Variants in OGFRL1 observed in about 807,000 individuals in gnomAD.
OGFRL1 encodes the protein opioid growth factor receptor like 1.
Under a neutral mutation model 32.4 loss-of-function variants are expected in OGFRL1, and 26 were observed. That is an observed-to-expected ratio of 0.80 (90% CI 0.59 to 1.11). The LOEUF (loss-of-function observed/expected upper bound fraction) is 1.11. OGFRL1 is among the 50% of genes most tolerant of loss of function. The pLI is 0.00. For synonymous variants in OGFRL1, 211 were observed against 201.2 expected (o/e 1.05, Z -0.41); for missense variants, 521 against 546.4 (o/e 0.95, Z 0.46).
intron 1 of OGFRL1, among the ~76,000 whole-genome samples, chr6:71,290,586 T>C (rs902042025): frequency 1.3e-5 from 2 of 152,220 alleles, no homozygotes; most frequent in Non-Finnish European, 2.9e-5. Flanking sequence ...CTATTCCCTT[T>C]TAATGATTAA....
At chr6:71,294,992 T>G (rs1766159675) in intron 3 of OGFRL1, among the ~76,000 whole-genome samples, 1 of 152,224 alleles carries the variant, frequency 6.6e-6, no homozygotes, top group Non-Finnish European at 1.5e-5. Context: ...ATATTGAATT[T>G]TTGGTAATCT....
At chr6:71,293,700 AT>A (rs1361680995) in intron 3 of OGFRL1, 89 bp downstream of exon 3, 37 of 931,192 alleles carry the variant, frequency 4.0e-5, no homozygotes, top group Non-Finnish European at 5.9e-5. Context: ...CATTGATTGG[AT>A]TTACTTTGCT....
chr6:71,305,330 TAA>T lies in OGFRL1; in HGVS notation c.*3282_*3283del, dbSNP rs1371185493. On this transcript the variant is annotated 3_prime_UTR_variant, in exon 7 of 7. Transcript: ENST00000370435. ...AATACTGTAAAGTGACATATAGTTA[TAA>T]GATATATTTCTGTACAGTAGAGAAA... 1.3e-5 allele frequency: 2 copies of T among 152,084 alleles called. No individual in the cohort carries two copies. Among genetic ancestry groups the T allele is most frequent in the Admixed American group, 6.5e-5 (1 of 15,270 alleles). The allele number at this position is 152,084 out of a possible 1,614,324, so 9.4% of individuals were successfully genotyped here.
chr6:71,289,603 A>G (rs1765981569), intron 1 of OGFRL1: 1 of 977,154 alleles, frequency 1.0e-6, no homozygotes, highest in African/African-American at 1.8e-5. Context: ...AGGTGGGGCT[A>G]CAAGTGCAAG....
intron 6 of OGFRL1, among the ~76,000 whole-genome samples, chr6:71,298,024 A>G (rs1247635894): frequency 2.1e-5 from 3 of 140,288 alleles, no homozygotes; most frequent in African/African-American, 7.9e-5. Context: ...TCATTGTTCA[A>G]TTCAGATGGG....
intron 1 of OGFRL1, among the ~76,000 whole-genome samples, chr6:71,292,757 T>C (rs1047209932): frequency 6.6e-6 from 1 of 152,220 alleles, no homozygotes; most frequent in African/African-American, 2.4e-5. Context: ...TGTCATGGTA[T>C]TATAAAGGAT....
At chr6:71,301,352 T>G in intron 6 of OGFRL1, 34 bp from the exon 7 acceptor site, 3 of 1,499,940 alleles carry the variant, frequency 2.0e-6, no homozygotes, top group Non-Finnish European at 2.7e-6. Flanking sequence ...ACACCTGATT[T>G]CCCCCACTCA....
At chr6:71,296,091 T>C (rs9354987) in intron 3 of OGFRL1, among the ~76,000 whole-genome samples, 81,940 of 151,942 alleles carry the variant, frequency 0.54, 23,869 homozygotes, top group African/African-American at 0.75. Context: ...GAGTACATTG[T>C]CCAACAAAGC....
At chr6:71,296,876 G>A in intron 6 of OGFRL1, 59 bp downstream of exon 6, 9 of 1,553,128 alleles carry the variant, frequency 5.8e-6, no homozygotes, top group Non-Finnish European at 7.8e-6. Flanking sequence ...CTTGGTCAGA[G>A]TTCTCTATGA....
chr6:71,297,738 T>C (rs1261558191), intron 6 of OGFRL1, among the ~76,000 whole-genome samples: 3 of 151,964 alleles, frequency 2.0e-5, no homozygotes, highest in Non-Finnish European at 4.4e-5. Flanking sequence ...GTTAACTATT[T>C]TTTTATGTGT....
intron 1 of OGFRL1, among the ~76,000 whole-genome samples, chr6:71,290,503 T>G (rs1292627721): frequency 6.6e-6 from 1 of 152,234 alleles, no homozygotes; most frequent in African/African-American, 2.4e-5. Context: ...CAGGTCCATC[T>G]ATATAAAACA....
rs758111965 is a variant in OGFRL1, at chr6:71,301,810, C to G, written c.1117C>G (p.Pro373Ala). The change falls in exon 7 of 7, where the codon CCT (proline) becomes GCT (alanine). Residue 373 changes from proline to alanine, a missense_variant. By Grantham distance (27) the Pro-to-Ala change is conservative. Coordinates refer to ENST00000370435, the MANE Select transcript of OGFRL1 (RefSeq NM_024576.5). The stretch of plus-strand genomic sequence containing the variant: ...AGACAAAAAAGTGGCACCAAAAGAG[C>G]CTGTGGAAGAGACAGACAGGCCCAG... ...AEDKKVAPKE[P>A]VEETDRPSPE... 6.8e-6 allele frequency: 11 copies of G among 1,613,050 alleles called. No homozygotes were observed. The highest frequency in any genetic ancestry group is 3.3e-4 in the Middle Eastern group (2 of 6,050).
In OGFRL1 at chr6:71,303,905, A is replaced by G. The variant is rs749589080; in HGVS notation, c.*1856A>G. ...AGTTAAAGCAATGAATAGATGAAAC[A>G]TGTCTACTTTATTTCATTTAGAAAG... On this transcript the variant is annotated 3_prime_UTR_variant, in exon 7 of 7. Coordinates refer to ENST00000370435, the MANE Select transcript of OGFRL1 (RefSeq NM_024576.5). The G allele has an allele frequency of 1.1e-4, 17 of 152,294 alleles. No individual in the cohort carries two copies. Among genetic ancestry groups the G allele is most frequent in the South Asian group, 8.3e-4 (4 of 4,830 alleles). 9.4% of individuals were successfully genotyped at this position (152,294 alleles called of 1,614,324 possible). A position where few individuals can be genotyped will look rare whatever the true frequency, so the allele number is the denominator to read the frequency against.
At chr6:71,300,527 A>T (rs1382657242) in intron 6 of OGFRL1, among the ~76,000 whole-genome samples, 2 of 152,072 alleles carry the variant, frequency 1.3e-5, no homozygotes, top group Non-Finnish European at 2.9e-5. Flanking sequence ...CAGAGATTGA[A>T]GAAAATTAGG....
rs1273915882 is a variant in OGFRL1 at position 71,307,152 on chromosome 6, A to G, written c.*5103A>G. The G allele has an allele frequency of 6.6e-6, 1 of 152,204 alleles. No individual in the cohort carries two copies. The highest frequency in any genetic ancestry group is 1.5e-5 in the Non-Finnish European group (1 of 68,038). 9.4% of individuals were successfully genotyped at this position (152,204 alleles called of 1,614,324 possible). A position where few individuals can be genotyped will look rare whatever the true frequency, so the allele number is the denominator to read the frequency against. On this transcript the variant is annotated 3_prime_UTR_variant, in exon 7 of 7. Coordinates refer to ENST00000370435, the MANE Select transcript of OGFRL1 (RefSeq NM_024576.5). ...ATTAAATGTTTTGTGTTATGACCCA[A>G]ACTGGCTGGAAGTAGAGTTCAGAGA...
At position 71,301,608 on chromosome 6, in the gene OGFRL1, G is replaced by A. The variant is rs755595849; in HGVS notation, c.915G>A (p.Thr305=). 78 of 1,614,128 alleles carry A rather than the reference G, an allele frequency of 4.8e-5. No homozygotes were observed. The highest frequency in any genetic ancestry group is 6.0e-5 in the Non-Finnish European group (71 of 1,180,028). ...TGCGGTTCGCCCAGAAACACTACAC[G>A]CCTTCAGAGAACTTTATCTGGGGAC... ...KLLRFAQKHY[T]PSENFIWGPP... Residue 305 remains threonine, a synonymous_variant, in exon 7 of 7, where the codon ACG becomes ACA. Coordinates refer to ENST00000370435, the MANE Select transcript of OGFRL1 (RefSeq NM_024576.5).
At position 71,289,026 on chromosome 6, in the gene OGFRL1, G is replaced by T; in HGVS notation, c.90G>T (p.Glu30Asp). ...DSTWQTDSEP[E>D]PEEPGPGGGS... ...CCTGGCAGACCGACTCGGAGCCCGA[G>T]CCCGAAGAACCAGGGCCGGGCGGCG... Residue 30 changes from glutamate (E) to aspartate (D), a missense_variant, in exon 1 of 7, where the codon GAG (glutamate) becomes GAT (aspartate). Glu to Asp is a conservative substitution (Grantham distance 45, BLOSUM62 2). Transcript: ENST00000370435. The T allele has an allele frequency of 7.4e-7, 1 of 1,354,580 alleles. No homozygotes were observed. Among genetic ancestry groups the T allele is most frequent in the Non-Finnish European group, 9.7e-7 (1 of 1,035,908 alleles). 83.9% of individuals were successfully genotyped at this position (1,354,580 alleles called of 1,614,324 possible).
chr6:71,301,901 T>C lies in OGFRL1; in HGVS notation c.1208T>C (p.Met403Thr). The change falls in exon 7 of 7, where the codon ATG becomes ACG. Residue 403 changes from methionine to threonine, a missense_variant. Met to Thr is a moderately conservative substitution (Grantham distance 81). Transcript: ENST00000370435. ...NTEKDSNAEN[M>T]NSQPEKTVTT... ...GAGAAGGACAGTAATGCTGAGAACA[T>C]GAATTCTCAACCTGAGAAAACAGTT... 1 of 1,613,940 alleles carries C rather than the reference T, an allele frequency of 6.2e-7. No homozygotes were observed. Among genetic ancestry groups the C allele is most frequent in the Non-Finnish European group, 8.5e-7 (1 of 1,179,990 alleles).
Position 71,307,765 on chromosome 6 carries a change from C to T in OGFRL1, c.*5716C>T, listed in dbSNP as rs565757395. Reference sequence around the variant, plus strand: ...CTAAGAAACATTTACATTCTACACTCATTAGTCAAATGAACTTTTCTTTCC... The same window carrying T: ...CTAAGAAACATTTACATTCTACACTTATTAGTCAAATGAACTTTTCTTTCC... On this transcript the variant is annotated 3_prime_UTR_variant, in exon 7 of 7. Coordinates refer to ENST00000370435, the MANE Select transcript of OGFRL1 (RefSeq NM_024576.5). 6.6e-6 allele frequency: 1 copy of T among 152,252 alleles called. No homozygotes were observed. The highest frequency in any genetic ancestry group is 2.4e-5 in the African/African-American group (1 of 41,548). 9.4% of individuals were successfully genotyped at this position (152,252 alleles called of 1,614,324 possible). A position where few individuals can be genotyped will look rare whatever the true frequency, so the allele number is the denominator to read the frequency against.
Sources: allele counts gnomAD v4.1 joint callset (sites outside exome capture counted in the v4.1 genomes callset), GRCh38; gene constraint gnomAD v4.1.1; transcripts MANE v1.5; gene names NCBI Gene and HGNC (gene_info 2026-07-23, HGNC 2026-07-21).